The following MACROD2 variants were observed in gnomAD, a reference collection of about 807,000 sequenced individuals.
MACROD2 encodes the protein ADP-ribose glycohydrolase MACROD2.
MACROD2 carries 36 observed loss-of-function variants against 70.4 expected under a neutral mutation model. That is an observed-to-expected ratio of 0.51 (90% CI 0.39 to 0.68). MACROD2 has a LOEUF of 0.68. MACROD2 is among the 30% of genes least tolerant of loss of function. MACROD2 has a pLI of 0.00. For synonymous variants in MACROD2, 172 were observed against 178.8 expected (o/e 0.96, Z 0.30); for missense variants, 496 against 538.4 (o/e 0.92, Z 0.78).
At chr20:14,993,281 G>A (rs1160450810) in intron 5 of MACROD2, among the ~76,000 whole-genome samples, 1 of 148,522 alleles carries the variant, frequency 6.7e-6, no homozygotes, top group Admixed American at 6.7e-5. Context: ...TTTTTTTTTG[G>A]TGAAGGAAAA....
At chr20:14,580,043 A>G (rs528038596) in intron 4 of MACROD2, among the ~76,000 whole-genome samples, 6 of 152,364 alleles carry the variant, frequency 3.9e-5, no homozygotes, top group African/African-American at 1.4e-4. Flanking sequence ...ACAAAAGCTT[A>G]GCAAGATAAT....
chr20:15,063,695 C>A (rs888516388), intron 5 of MACROD2, among the ~76,000 whole-genome samples: 1 of 152,124 alleles, frequency 6.6e-6, no homozygotes, highest in Non-Finnish European at 1.5e-5. Context: ...TGTGTATACT[C>A]ACCATGTGTG....
intron 6 of MACROD2, among the ~76,000 whole-genome samples, chr20:15,383,683 A>G (rs550665675): frequency 1.4e-4 from 22 of 152,310 alleles, no homozygotes; most frequent in Non-Finnish European, 2.8e-4. Context: ...ATCTCCAGGA[A>G]AGCTTGTGTT....
intron 5 of MACROD2, among the ~76,000 whole-genome samples, chr20:15,204,139 C>T (rs567683586): frequency 6.6e-6 from 1 of 152,160 alleles, no homozygotes; most frequent in East Asian, 1.9e-4. Context: ...TTTCCATTGT[C>T]CAATTTTCTC....
At chr20:15,447,705 G>C (rs1171080545) in intron 7 of MACROD2, among the ~76,000 whole-genome samples, 1 of 152,148 alleles carries the variant, frequency 6.6e-6, no homozygotes, top group African/African-American at 2.4e-5. Context: ...CTTGTCTCTA[G>C]CAGTAGCCAT....
rs189227434 is a variant in MACROD2, at chr20:15,066,153, A to T, written c.419-163787A>T. On this transcript the variant is annotated intron_variant, in intron 5 of 17. Transcript: ENST00000684519. ...TTAATTTTTATTTTTATTTTTTGAG[A>T]TGGAGTCTCGCTCTGTCACCCAGGC... 2.6e-3 allele frequency among the ~76,000 whole-genome samples: 386 copies of T among 147,952 alleles called. 4 individuals are homozygous for T. Among genetic ancestry groups the T allele is most frequent in the African/African-American group, 8.4e-3 (340 of 40,590 alleles).
At position 15,672,647 on chromosome 20, in the gene MACROD2, G is replaced by A. The variant is rs74763854; in HGVS notation, c.645+172800G>A. ...TCCTGGCCATGGTGGTGCATCAGAG[G>A]TGGCAAACTCTCAAGCCAAAGCCAG... On this transcript the variant is annotated intron_variant, in intron 8 of 17. Coordinates refer to ENST00000684519, the MANE Select transcript of MACROD2 (RefSeq NM_001351661.2). Among the ~76,000 whole-genome samples the A allele has an allele frequency of 2.4e-3, 363 of 152,254 alleles. 2 individuals carry two copies. Among genetic ancestry groups the A allele is most frequent in the African/African-American group, 8.4e-3 (349 of 41,558 alleles).
chr20:14,629,284 C>A (rs1467525188), intron 4 of MACROD2, among the ~76,000 whole-genome samples: 1 of 152,112 alleles, frequency 6.6e-6, no homozygotes, highest in Non-Finnish European at 1.5e-5. Flanking sequence ...TTCTTTCTCA[C>A]CCCTTGAAGA....
intron 5 of MACROD2, among the ~76,000 whole-genome samples, chr20:15,059,594 C>G (rs2075515585): frequency 6.6e-6 from 1 of 152,116 alleles, no homozygotes; most frequent in African/African-American, 2.4e-5. Context: ...AGAGAAAGGA[C>G]TAGTTTATCC....
intron 15 of MACROD2, among the ~76,000 whole-genome samples, chr20:16,030,164 C>A (rs918286300): frequency 2.6e-5 from 4 of 152,152 alleles, no homozygotes; most frequent in Non-Finnish European, 5.9e-5. Context: ...AAAGATAGTG[C>A]CCACTATGGG....
intron 3 of MACROD2, among the ~76,000 whole-genome samples, chr20:14,119,930 C>T (rs1222057646): frequency 6.6e-6 from 1 of 152,056 alleles, no homozygotes; most frequent in African/African-American, 2.4e-5. Context: ...CATTTAAGGC[C>T]AGGCACGGTG....
intron 8 of MACROD2, among the ~76,000 whole-genome samples, chr20:15,617,469 T>C (rs1773094419): frequency 1.3e-5 from 2 of 152,212 alleles, no homozygotes; most frequent in African/African-American, 2.4e-5. Context: ...CAATGGCTAA[T>C]AGCTGGAAAG....
At chr20:15,311,764 C>T (rs1026826842) in intron 6 of MACROD2, among the ~76,000 whole-genome samples, 8 of 151,948 alleles carry the variant, frequency 5.3e-5, no homozygotes, top group African/African-American at 1.7e-4. Context: ...ATGACACAAT[C>T]GACACTGGGG....
intron 5 of MACROD2, among the ~76,000 whole-genome samples, chr20:15,086,398 G>A (rs1023866462): frequency 4.6e-5 from 7 of 152,104 alleles, no homozygotes; most frequent in South Asian, 2.1e-4. Flanking sequence ...TATGAACTAA[G>A]TAGGGAAGAA....
chr20:15,465,271 A>G (rs1417620580), intron 7 of MACROD2, among the ~76,000 whole-genome samples: 1 of 152,250 alleles, frequency 6.6e-6, no homozygotes, highest in Non-Finnish European at 1.5e-5. Context: ...GTTTTTAAAA[A>G]GATGTATCTA....
At chr20:15,546,081 T>C (rs2048022568) in intron 8 of MACROD2, among the ~76,000 whole-genome samples, 1 of 152,072 alleles carries the variant, frequency 6.6e-6, no homozygotes. Context: ...TGAAACCCCG[T>C]CTAAAAATAC....
At chr20:15,282,800 A>T (rs2077457352) in intron 6 of MACROD2, among the ~76,000 whole-genome samples, 1 of 152,124 alleles carries the variant, frequency 6.6e-6, no homozygotes. Flanking sequence ...AGGTGCTTCC[A>T]CATTCTGGGT....
intron 8 of MACROD2, among the ~76,000 whole-genome samples, chr20:15,670,194 G>A (rs1357155670): frequency 1.3e-5 from 2 of 152,224 alleles, no homozygotes; most frequent in African/African-American, 4.8e-5. Context: ...GAATCGGAAA[G>A]CAACAGTTAA....
chr20:15,696,788 T>C (rs1241622746), intron 8 of MACROD2, among the ~76,000 whole-genome samples: 1 of 151,522 alleles, frequency 6.6e-6, no homozygotes, highest in Non-Finnish European at 1.5e-5. Context: ...AGGAGGGTTG[T>C]ATTTTTCCAA....
Sources: allele counts gnomAD v4.1 joint callset (sites outside exome capture counted in the v4.1 genomes callset), GRCh38; gene constraint gnomAD v4.1.1; transcripts MANE v1.5; gene names NCBI Gene and HGNC (gene_info 2026-07-23, HGNC 2026-07-21).